Variants in STARD9 observed in about 807,000 individuals in gnomAD.
STARD9 encodes StAR related lipid transfer domain containing 9, also known as stAR-related lipid transfer protein 9.
In STARD9, 346 loss-of-function variants were observed where a neutral mutation model predicts 399.8. The observed-to-expected ratio is 0.87, with a 90% CI of 0.79 to 0.95. The LOEUF is 0.95. Ranked by LOEUF, STARD9 falls within the 40% of genes least tolerant of loss-of-function variation. STARD9 has a pLI of 0.00. For missense variants in STARD9, 5,832 were observed against 5,667.5 expected (o/e 1.03, Z -0.93); for synonymous variants, 2,203 against 2,143.5 (o/e 1.03, Z -0.77).
intron 3 of STARD9, among the ~76,000 whole-genome samples, chr15:42,586,570 A>C (rs2058281697): frequency 6.6e-6 from 1 of 152,202 alleles, no homozygotes; most frequent in Admixed American, 6.5e-5. Context: ...TTCTATGGCC[A>C]CAGACAGTAG....
In STARD9 at chr15:42,699,392, CTTT is replaced by C. The variant is rs34614271; in HGVS notation, c.13284+3530_13284+3532del. 8.8e-4 allele frequency among the ~76,000 whole-genome samples: 100 copies of C among 113,282 alleles called. 3 individuals carry two copies. The highest frequency in any genetic ancestry group is 3.9e-3 in the African/African-American group (95 of 24,548). 74.3% of individuals were successfully genotyped at this position (113,282 alleles called of 152,430 possible). On this transcript the variant is annotated intron_variant, in intron 26 of 32. Coordinates refer to ENST00000290607, the MANE Select transcript of STARD9 (RefSeq NM_020759.3). ...TCTATGAGATCAACTTTTTTCTTTT[CTTT>C]TTTTTTTTTTTTTTTTTGAGATGGA...
rs1282462166 is a variant in STARD9, at chr15:42,692,333, C to G, written c.10755C>G (p.Asp3585Glu). Residue 3585 changes from aspartate to glutamate, a missense_variant, in exon 23 of 33, where the codon GAC becomes GAG. Asp to Glu is a conservative substitution (Grantham distance 45). Coordinates refer to ENST00000290607, the MANE Select transcript of STARD9 (RefSeq NM_020759.3). ...GAGTAGCCCCCACTTCGGGTCATGACAGAAGGCCTCAGTTCAGGGGCCCTT... is the reference window on the plus strand; with the variant it reads ...GAGTAGCCCCCACTTCGGGTCATGAGAGAAGGCCTCAGTTCAGGGGCCCTT... ...PEGVAPTSGH[D>E]RRPQFRGPSG... is the part of the protein sequence containing the mutation. The G allele has an allele frequency of 6.5e-7, 1 of 1,536,910 alleles. No individual in the cohort carries two copies. Among genetic ancestry groups the G allele is most frequent in the Non-Finnish European group, 8.7e-7 (1 of 1,146,906 alleles).
chr15:42,697,059 G>A (rs537155002), intron 26 of STARD9, among the ~76,000 whole-genome samples: 2 of 152,282 alleles, frequency 1.3e-5, no homozygotes, highest in South Asian at 4.1e-4. Flanking sequence ...GACATACAAT[G>A]TCAGGCACAT....
chr15:42,577,317 C>T (rs2058079029), intron 1 of STARD9, among the ~76,000 whole-genome samples: 1 of 152,102 alleles, frequency 6.6e-6, no homozygotes, highest in African/African-American at 2.4e-5. Flanking sequence ...CCATGCCCGG[C>T]TAATTTTTTG....
intron 4 of STARD9, among the ~76,000 whole-genome samples, chr15:42,635,316 A>G (rs769411596): frequency 6.6e-6 from 1 of 151,936 alleles, no homozygotes; most frequent in Non-Finnish European, 1.5e-5. Context: ...CCTTTGAATA[A>G]TTAACCCTTA....
At position 42,718,027 on chromosome 15, in the gene STARD9, C is replaced by T. The variant is rs1403297379; in HGVS notation, c.13610C>T (p.Pro4537Leu). ...CAGCTTTACTACAAGGTGTTTTCTCCCACTCGGCATGGCTTCCTGGGGGCA... is the reference window on the plus strand; with the variant it reads ...CAGCTTTACTACAAGGTGTTTTCTCTCACTCGGCATGGCTTCCTGGGGGCA... Reference protein sequence around the residue: ...AVQLYYKVFSPTRHGFLGAGV... With the variant: ...AVQLYYKVFSLTRHGFLGAGV... The change falls in exon 30 of 33, where the codon CCC becomes CTC. Residue 4537 changes from proline (P) to leucine (L), a missense_variant. Physicochemically the swap from Pro to Leu is moderately conservative, Grantham distance 98. Around this residue, in one of 2 missense-constraint regions of STARD9, gnomAD observed 5,828 missense variants for 5,651.1 expected, o/e 1.03. Coordinates refer to ENST00000290607, the MANE Select transcript of STARD9 (RefSeq NM_020759.3). 6.5e-7 allele frequency: 1 copy of T among 1,537,184 alleles called. No individual in the cohort carries two copies. Among genetic ancestry groups the T allele is most frequent in the Non-Finnish European group, 8.7e-7 (1 of 1,146,892 alleles).
intron 25 of STARD9, 136 bp from the exon 26 acceptor site, chr15:42,695,607 T>G: frequency 9.7e-7 from 1 of 1,035,080 alleles, no homozygotes; most frequent in Non-Finnish European, 1.4e-6. Flanking sequence ...TGAGGCTAAG[T>G]CAGGGAGGCC....
intron 3 of STARD9, among the ~76,000 whole-genome samples, chr15:42,586,227 T>G (rs1292076662): frequency 1.3e-5 from 2 of 152,242 alleles, no homozygotes; most frequent in African/African-American, 2.4e-5. Flanking sequence ...GTATCTTCTT[T>G]GAACCTTAGG....
intron 15 of STARD9, among the ~76,000 whole-genome samples, chr15:42,667,026 G>A (rs2060115665): frequency 1.3e-5 from 2 of 152,080 alleles, no homozygotes; most frequent in Admixed American, 1.3e-4. Flanking sequence ...CATTGGCCAG[G>A]CTGGTGTCAA....
chr15:42,707,654 T>C (rs2061118398), intron 26 of STARD9, among the ~76,000 whole-genome samples: 2 of 152,080 alleles, frequency 1.3e-5, no homozygotes, highest in Non-Finnish European at 2.9e-5. Context: ...GTATTTTTAG[T>C]GGAGACGGAC....
At position 42,624,525 on chromosome 15, in the gene STARD9, A is replaced by G. The variant is rs554647406; in HGVS notation, c.235-10331A>G. On this transcript the variant is annotated intron_variant, in intron 3 of 32. Coordinates refer to ENST00000290607, the MANE Select transcript of STARD9 (RefSeq NM_020759.3). ...TGTATTATCTCTGAATAGTGGGATC[A>G]TTTTTGTTTATCACCATTTTCTGTT... Among the ~76,000 whole-genome samples the G allele has an allele frequency of 3.3e-4, 48 of 146,942 alleles. 1 individual carries two copies. Among genetic ancestry groups the G allele is most frequent in the Admixed American group, 2.7e-3 (40 of 15,050 alleles).
chr15:42,672,284 G>A (rs1327373156), intron 16 of STARD9: 1 of 152,148 alleles, frequency 6.6e-6, no homozygotes, highest in Admixed American at 6.6e-5. Flanking sequence ...GGAAGGACAG[G>A]GAGAGCCCAG....
chr15:42,699,536 G>A (rs1468527425), intron 26 of STARD9, among the ~76,000 whole-genome samples: 1 of 149,184 alleles, frequency 6.7e-6, no homozygotes, highest in East Asian at 2.0e-4. Context: ...TGGGACTACA[G>A]GTGCCCGCCA....
rs2059451215 is a variant in STARD9, at chr15:42,638,041, G to A, written c.400G>A (p.Glu134Lys). The change falls in exon 6 of 33, where the codon GAG becomes AAG. Residue 134 changes from glutamate (E) to lysine (K), a missense_variant. Coordinates refer to ENST00000290607, the MANE Select transcript of STARD9 (RefSeq NM_020759.3). Reference protein sequence around the residue: ...PRICEGLFVREKDCASLPSSC... With the variant: ...PRICEGLFVRKKDCASLPSSC... Reference sequence around the variant, plus strand: ...GTTTGTGCAGGGTCTCTTCGTCAGGGAGAAAGACTGTGCCTCACTGCCTTC... The same window carrying A: ...GTTTGTGCAGGGTCTCTTCGTCAGGAAGAAAGACTGTGCCTCACTGCCTTC... 6.5e-7 allele frequency: 1 copy of A among 1,537,372 alleles called. No homozygotes were observed. The highest frequency in any genetic ancestry group is 2.4e-5 in the East Asian group (1 of 40,908).
chr15:42,625,129 C>T (rs541764902), intron 3 of STARD9, among the ~76,000 whole-genome samples: 5 of 151,842 alleles, frequency 3.3e-5, no homozygotes, highest in Admixed American at 6.6e-5. Context: ...CAGGTTCAAA[C>T]GATTCTCCTG....
chr15:42,642,573 G>A (rs1194706746), intron 7 of STARD9, among the ~76,000 whole-genome samples: 2 of 152,164 alleles, frequency 1.3e-5, no homozygotes, highest in Non-Finnish European at 2.9e-5. Context: ...ATAAGTCACA[G>A]GAGTTTCCCC....
chr15:42,626,723 G>T (rs1377099664), intron 3 of STARD9, among the ~76,000 whole-genome samples: 1 of 151,288 alleles, frequency 6.6e-6, no homozygotes, highest in Non-Finnish European at 1.5e-5. Context: ...TGTTGGTCAG[G>T]CTGGTCTCGA....
At position 42,690,995 on chromosome 15, in the gene STARD9, G is replaced by C; in HGVS notation, c.9417G>C (p.Gln3139His). The C allele has an allele frequency of 6.5e-7, 1 of 1,537,230 alleles. No individual in the cohort carries two copies. The highest frequency in any genetic ancestry group is 8.7e-7 in the Non-Finnish European group (1 of 1,146,916). The change falls in exon 23 of 33, where the codon CAG (glutamine) becomes CAC (histidine). Residue 3139 changes from glutamine (Q) to histidine (H), a missense_variant. Physicochemically the swap from Gln to His is conservative, Grantham distance 24. Coordinates refer to ENST00000290607, the MANE Select transcript of STARD9 (RefSeq NM_020759.3). ...ATCCAGAACCACCTGCAACAACTCAGGGACCACACACCCTGGATTTAAGTG... is the reference window on the plus strand; with the variant it reads ...ATCCAGAACCACCTGCAACAACTCACGGACCACACACCCTGGATTTAAGTG... ...QTNPEPPATT[Q>H]GPHTLDLSEG... is the part of the protein sequence containing the mutation.
intron 7 of STARD9, among the ~76,000 whole-genome samples, chr15:42,643,988 T>C (rs993270971): frequency 1.3e-5 from 2 of 152,188 alleles, no homozygotes; most frequent in African/African-American, 4.8e-5. Context: ...TAGTATTGAG[T>C]TCAGAGAACA....
Sources: allele counts gnomAD v4.1 joint callset (sites outside exome capture counted in the v4.1 genomes callset), GRCh38; gene constraint gnomAD v4.1.1; regional missense constraint gnomAD v4.1.1; transcripts MANE v1.5; gene names NCBI Gene and HGNC (gene_info 2026-07-23, HGNC 2026-07-21).